The following LIN9 variants were observed in gnomAD, a reference collection of about 807,000 sequenced individuals.
The protein encoded by LIN9 is protein lin-9 homolog.
In LIN9, 18 loss-of-function variants were observed where a neutral mutation model predicts 78.0. The observed-to-expected ratio is 0.23, with a 90% CI of 0.16 to 0.34. The LOEUF is 0.34. LIN9 is among the 10% of genes least tolerant of loss of function. The probability of loss-of-function intolerance (pLI) is 1.00; values close to 1 mark genes in which losing one functional copy is unlikely to be tolerated. For missense variants in LIN9, 451 were observed against 644.1 expected (o/e 0.70, Z 3.25); for synonymous variants, 192 against 215.2 (o/e 0.89, Z 0.94).
chr1:226,282,394 A>G (rs367999405), intron 6 of LIN9, among the ~76,000 whole-genome samples: 23 of 152,348 alleles, frequency 1.5e-4, no homozygotes, highest in African/African-American at 5.5e-4. Context: ...AATTTTATAG[A>G]TATTACCAAA....
At chr1:226,235,342 A>G (rs1181243486) in intron 12 of LIN9, among the ~76,000 whole-genome samples, 1 of 150,216 alleles carries the variant, frequency 6.7e-6, no homozygotes, top group Non-Finnish European at 1.5e-5. Context: ...AAAAAAAAAA[A>G]AGAGTTTCAG....
chr1:226,307,070 C>A (rs111252211), intron 1 of LIN9, among the ~76,000 whole-genome samples: 1,803 of 152,162 alleles, frequency 0.012, 28 homozygotes, highest in African/African-American at 0.041. Flanking sequence ...ATATAAATCC[C>A]AAGTCCCTAC....
At chr1:226,269,585 G>A (rs889071658) in intron 7 of LIN9, among the ~76,000 whole-genome samples, 4 of 152,176 alleles carry the variant, frequency 2.6e-5, no homozygotes, top group African/African-American at 4.8e-5. Flanking sequence ...CAACGTGGTC[G>A]ATGAGAATGG....
At chr1:226,261,977 T>C (rs1211975104) in intron 10 of LIN9, among the ~76,000 whole-genome samples, 1 of 152,166 alleles carries the variant, frequency 6.6e-6, no homozygotes, top group Admixed American at 6.6e-5. Context: ...ACATAGTCAA[T>C]TATCTTCAAC....
intron 12 of LIN9, among the ~76,000 whole-genome samples, chr1:226,234,761 A>G (rs1234157370): frequency 6.6e-6 from 1 of 152,144 alleles, no homozygotes; most frequent in Non-Finnish European, 1.5e-5. Context: ...CATATAGCAT[A>G]AAGATAAAAT....
intron 7 of LIN9, among the ~76,000 whole-genome samples, chr1:226,269,760 G>A (rs1660150237): frequency 6.6e-6 from 1 of 152,034 alleles, no homozygotes; most frequent in Non-Finnish European, 1.5e-5. Flanking sequence ...CAAATGGAGG[G>A]GGAAGATCCA....
Position 226,283,278 on chromosome 1 carries a change from ATTTTTTTTTT to A in LIN9, c.524+3045_524+3054del, listed in dbSNP as rs71574569. Among the ~76,000 whole-genome samples, 730 of 84,208 alleles carry A rather than the reference ATTTTTTTTTT, an allele frequency of 8.7e-3. 5 individuals carry two copies. The highest frequency in any genetic ancestry group is 0.011 in the Non-Finnish European group (517 of 46,428). 55.2% of individuals were successfully genotyped at this position (84,208 alleles called of 152,430 possible). On this transcript the variant is annotated intron_variant, in intron 6 of 14. Coordinates refer to ENST00000681046, the MANE Select transcript of LIN9 (RefSeq NM_001366245.2). Reference sequence around the variant, plus strand: ...AGTAGCATGCCTGGGTAATTTTTGAATTTTTTTTTTTTTTTTTTTTTTTTTTTGGTGGAGA... The same window carrying A: ...AGTAGCATGCCTGGGTAATTTTTGAATTTTTTTTTTTTTTTTTGGTGGAGA...
chr1:226,281,777 T>G (rs1661080337), intron 6 of LIN9, among the ~76,000 whole-genome samples: 1 of 150,892 alleles, frequency 6.6e-6, no homozygotes, highest in South Asian at 2.1e-4. Context: ...CACTGCAACC[T>G]CCACTACCCA....
chr1:226,242,684 A>C (rs1658194650), intron 11 of LIN9, among the ~76,000 whole-genome samples: 1 of 152,142 alleles, frequency 6.6e-6, no homozygotes, highest in Non-Finnish European at 1.5e-5. Context: ...CAGATCGTAT[A>C]GATGCAGACT....
intron 10 of LIN9, among the ~76,000 whole-genome samples, chr1:226,254,078 C>T (rs750593679): frequency 6.6e-5 from 10 of 152,076 alleles, no homozygotes; most frequent in African/African-American, 1.4e-4. Flanking sequence ...ACTACAGGGG[C>T]GTATCACCAC....
intron 11 of LIN9, among the ~76,000 whole-genome samples, chr1:226,242,908 T>TTAA (rs10668231): frequency 0.7 from 106,731 of 151,856 alleles, 37,622 homozygotes; most frequent in East Asian, 0.74. Context: ...TATGATTTTC[T>TTAA]TAACATTTCC....
intron 7 of LIN9, among the ~76,000 whole-genome samples, chr1:226,272,131 G>A (rs906316750): frequency 2.7e-5 from 4 of 149,630 alleles, no homozygotes; most frequent in East Asian, 2.0e-4. Flanking sequence ...ATCTTGGCTC[G>A]CTGCAACTTC....
chr1:226,265,556 G>C lies in LIN9; in HGVS notation c.1015C>G (p.Pro339Ala). 6.2e-7 allele frequency: 1 copy of C among 1,609,132 alleles called. No individual in the cohort carries two copies. The highest frequency in any genetic ancestry group is 8.5e-7 in the Non-Finnish European group (1 of 1,175,896). ...ACCACTTGGATAAGAAATTCTACTG[G>C]AAAACCACCTAATGTTTCAGTGTCA... ...GSDTETLGGF[P>A]VEFLIQVTRL... The change falls in exon 10 of 15, where the codon CCA (proline) becomes GCA (alanine). Residue 339 changes from proline (P) to alanine (A), a missense_variant. Coordinates refer to ENST00000681046, the MANE Select transcript of LIN9 (RefSeq NM_001366245.2). This position sits in a 1 kb window ranked among gnomAD's most constrained non-coding sequence, Gnocchi z 4.1.
intron 3 of LIN9, among the ~76,000 whole-genome samples, chr1:226,296,738 T>C (rs1662173109): frequency 6.6e-6 from 1 of 152,114 alleles, no homozygotes; most frequent in African/African-American, 2.4e-5. Context: ...AAACCCACTC[T>C]GGCTGGGCAC....
chr1:226,266,170 AT>A lies in LIN9; in HGVS notation c.936+42del, dbSNP rs771423862. 6.5e-6 allele frequency: 9 copies of A among 1,380,936 alleles called. 1 individual carries two copies. The South Asian group carries it at 1.4e-4, about 22-fold the overall frequency. 85.5% of individuals were successfully genotyped at this position (1,380,936 alleles called of 1,614,324 possible). On this transcript the variant is annotated intron_variant, in intron 9 of 14. Transcript: ENST00000681046. ...TTTCTTAAGAACATAGTTCACCTTC[AT>A]AAAAATCAATTAAATTATTGATATT...
chr1:226,260,628 GTTTTTTTT>G (rs559460640), intron 10 of LIN9, among the ~76,000 whole-genome samples: 29 of 73,420 alleles, frequency 3.9e-4, no homozygotes, highest in African/African-American at 1.4e-3. Flanking sequence ...GGCCAAATGA[GTTTTTTTT>G]TTTTTTTTTT....
chr1:226,236,779 A>AT (rs1657747382), intron 12 of LIN9, among the ~76,000 whole-genome samples: 1 of 152,078 alleles, frequency 6.6e-6, no homozygotes, highest in Non-Finnish European at 1.5e-5. Context: ...TTTGTTCCAC[A>AT]TTGTGTTTGT....
chr1:226,306,064 C>T (rs961917248), intron 1 of LIN9, among the ~76,000 whole-genome samples: 17 of 152,066 alleles, frequency 1.1e-4, no homozygotes, highest in African/African-American at 3.9e-4. Flanking sequence ...GTGGCTCACC[C>T]CTGTAATCCC....
In LIN9 at chr1:226,239,543, T is replaced by C. The variant is rs548256604; in HGVS notation, c.1120-447A>G. 6.6e-5 allele frequency among the ~76,000 whole-genome samples: 10 copies of C among 152,330 alleles called. No individual in the cohort carries two copies. In the South Asian group the frequency reaches 1.7e-3, roughly 25 times the overall value. On this transcript the variant is annotated intron_variant, in intron 11 of 14. Transcript: ENST00000681046. Reference sequence around the variant, plus strand: ...GAGCGTGGGTATTAGAATCAGATTATATATGTTCAAATTCCACCTCTATCA... The same window carrying C: ...GAGCGTGGGTATTAGAATCAGATTACATATGTTCAAATTCCACCTCTATCA...
Sources: allele counts gnomAD v4.1 joint callset (sites outside exome capture counted in the v4.1 genomes callset), GRCh38; gene constraint gnomAD v4.1.1; non-coding constraint Gnocchi (gnomAD v3.1); transcripts MANE v1.5; gene names NCBI Gene and HGNC (gene_info 2026-07-23, HGNC 2026-07-21).